TFCP2: variants seen among roughly 807,000 people sequenced by gnomAD.
The protein encoded by TFCP2 is alpha-globin transcription factor CP2.
Under a neutral mutation model 73.4 loss-of-function variants are expected in TFCP2, and 33 were observed. The ratio of observed to expected loss-of-function variants is 0.45; its 90% CI spans 0.34 to 0.60. TFCP2 has a LOEUF of 0.60. Among genes scored for constraint, TFCP2 ranks in the 20% least tolerant of loss-of-function variants. The probability of loss-of-function intolerance (pLI) is 0.01; values close to 1 mark genes in which losing one functional copy is unlikely to be tolerated. For synonymous variants in TFCP2, 193 were observed against 211.6 expected, an observed-to-expected ratio of 0.91 and a Z score of 0.76; for missense variants, 352 against 604.0, an observed-to-expected ratio of 0.58 and a Z score of 4.37.
rs200634810 is a variant in TFCP2, at chr12:51,164,584, A to G, written c.122+7717T>C. On this transcript the variant is annotated intron_variant, in intron 1 of 14. Transcript: ENST00000257915. ...TGCACTCCAGCCTGGGTGACACAGC[A>G]AGACTCCATCTCGAAAAAAAAAAAA... 1.1e-4 allele frequency among the ~76,000 whole-genome samples: 17 copies of G among 150,330 alleles called. No individual in the cohort carries two copies. In the East Asian group the frequency reaches 3.1e-3, roughly 28 times the overall value.
chr12:51,105,958 C>T (rs923415776), intron 8 of TFCP2, among the ~76,000 whole-genome samples: 17 of 152,216 alleles, frequency 1.1e-4, no homozygotes, highest in Non-Finnish European at 4.4e-5. Flanking sequence ...TCTGTACCAA[C>T]TTTCAATTAT....
At chr12:51,152,611 T>G (rs1941452827) in intron 1 of TFCP2, among the ~76,000 whole-genome samples, 1 of 152,170 alleles carries the variant, frequency 6.6e-6, no homozygotes, top group Non-Finnish European at 1.5e-5. Flanking sequence ...CTTTTACCTT[T>G]AAATCATTCA....
intron 1 of TFCP2, among the ~76,000 whole-genome samples, chr12:51,153,859 C>T (rs186015283): frequency 1.7e-3 from 252 of 152,260 alleles, no homozygotes; most frequent in Non-Finnish European, 2.1e-3. Flanking sequence ...AATAGCTGCT[C>T]AAGTCGCTGC....
intron 1 of TFCP2, among the ~76,000 whole-genome samples, chr12:51,155,015 A>G (rs1323267497): frequency 1.3e-5 from 2 of 152,154 alleles, no homozygotes; most frequent in Non-Finnish European, 2.9e-5. Context: ...TCCATCCTCA[A>G]TGTGGGAGGG....
chr12:51,098,825 T>C lies in TFCP2; in HGVS notation c.1370A>G (p.Gln457Arg), dbSNP rs756014367. 2 of 1,614,168 alleles carry C rather than the reference T, an allele frequency of 1.2e-6. No homozygotes were observed. The highest frequency in any genetic ancestry group is 1.7e-5 in the Admixed American group (1 of 60,006). The change falls in exon 13 of 15, where the codon CAG becomes CGG. Residue 457 changes from glutamine to arginine, a missense_variant. By Grantham distance (43) the Gln-to-Arg change is conservative (BLOSUM62 1). Coordinates refer to ENST00000257915, the MANE Select transcript of TFCP2 (RefSeq NM_005653.5). Reference protein sequence around the residue: ...LFSISPCQISQIYKQGPTGIH... With the variant: ...LFSISPCQISRIYKQGPTGIH... Reference sequence around the variant, plus strand: ...TCCTGTTGGCCCCTGCTTGTAAATCTGGCTGATCTGGCAAGGGGAAATGCT... The same window carrying C: ...TCCTGTTGGCCCCTGCTTGTAAATCCGGCTGATCTGGCAAGGGGAAATGCT...
Position 51,094,031 on chromosome 12 carries a change from A to T in TFCP2, c.*1210T>A, listed in dbSNP as rs1380840173. ...CACACAATCATTCTTAAGGAAGAAC[A>T]AAAACATGGTAAGAGTGTGAACAGG... On this transcript the variant is annotated 3_prime_UTR_variant, in exon 15 of 15. Transcript: ENST00000257915. 1 of 152,188 alleles carries T rather than the reference A, an allele frequency of 6.6e-6. No homozygotes were observed. The highest frequency in any genetic ancestry group is 2.4e-5 in the African/African-American group (1 of 41,452). The allele number at this position is 152,188 out of a possible 1,614,324, so 9.4% of individuals were successfully genotyped here.
At chr12:51,118,844 A>C in intron 1 of TFCP2, 72 bp from the exon 2 acceptor site, 1 of 1,495,822 alleles carries the variant, frequency 6.7e-7, no homozygotes, top group Non-Finnish European at 9.1e-7. Context: ...TGAATGATTT[A>C]ACTGCAATGC....
intron 1 of TFCP2, among the ~76,000 whole-genome samples, chr12:51,136,989 T>C (rs1177090467): frequency 1.3e-5 from 2 of 152,272 alleles, no homozygotes; most frequent in African/African-American, 4.8e-5. Flanking sequence ...CTGGATTTTA[T>C]GCTGTCCCTG....
At chr12:51,138,024 C>A (rs1355814182) in intron 1 of TFCP2, among the ~76,000 whole-genome samples, 1 of 152,182 alleles carries the variant, frequency 6.6e-6, no homozygotes, top group Non-Finnish European at 1.5e-5. Context: ...GTACTCCCTA[C>A]CATGCCTGGC....
intron 1 of TFCP2, among the ~76,000 whole-genome samples, chr12:51,132,387 T>TTTTTTTTTTTTTTG (rs1186866774): frequency 1.6e-5 from 2 of 127,582 alleles, no homozygotes; most frequent in South Asian, 2.8e-4. Context: ...TTTTTTTTTT[T>TTTTTTTTTTTTTTG]AGACAGAGTC....
chr12:51,099,305 G>C (rs1940046746), intron 12 of TFCP2, among the ~76,000 whole-genome samples: 2 of 151,890 alleles, frequency 1.3e-5, no homozygotes, highest in South Asian at 4.2e-4. Context: ...GGGCAACATA[G>C]GGAGATCCCA....
At chr12:51,132,609 T>C (rs1272914284) in intron 1 of TFCP2, among the ~76,000 whole-genome samples, 2 of 152,024 alleles carry the variant, frequency 1.3e-5, no homozygotes, top group Non-Finnish European at 2.9e-5. Context: ...GACCTTGTGA[T>C]CCACCTGCCT....
intron 1 of TFCP2, among the ~76,000 whole-genome samples, chr12:51,127,363 A>G (rs1940838612): frequency 6.6e-6 from 1 of 152,200 alleles, no homozygotes; most frequent in Non-Finnish European, 1.5e-5. Context: ...ACATTATTTA[A>G]CATAGAGGGG....
chr12:51,171,983 A>C (rs1431753347), intron 1 of TFCP2, among the ~76,000 whole-genome samples: 1 of 152,152 alleles, frequency 6.6e-6, no homozygotes, highest in African/African-American at 2.4e-5. Flanking sequence ...ACACAACGTC[A>C]GACTTACCCA....
chr12:51,139,868 A>G (rs1941149982), intron 1 of TFCP2, among the ~76,000 whole-genome samples: 1 of 152,188 alleles, frequency 6.6e-6, no homozygotes, highest in Non-Finnish European at 1.5e-5. Flanking sequence ...CCATTTTCCA[A>G]CTGAAGGAAC....
chr12:51,142,202 G>GC (rs1566222548), intron 1 of TFCP2, among the ~76,000 whole-genome samples: 3 of 5,130 alleles, frequency 5.8e-4, no homozygotes, highest in East Asian at 2.6e-3. Context: ...AGACTCTGTC[G>GC]CAAAAAAAAA....
chr12:51,119,049 T>C (rs767951665), intron 1 of TFCP2, among the ~76,000 whole-genome samples: 1 of 152,228 alleles, frequency 6.6e-6, no homozygotes. Context: ...GTGGAAATTA[T>C]AAACAGAGTT....
At chr12:51,153,067 CTG>C (rs1353870062) in intron 1 of TFCP2, among the ~76,000 whole-genome samples, 2 of 152,184 alleles carry the variant, frequency 1.3e-5, no homozygotes, top group African/African-American at 4.8e-5. Context: ...TTTTTAAAAT[CTG>C]TAGTAAAATA....
chr12:51,111,069 G>T (rs1940387555), intron 4 of TFCP2, 86 bp from the exon 5 acceptor site: 4 of 908,020 alleles, frequency 4.4e-6, no homozygotes, highest in Non-Finnish European at 7.1e-6. Flanking sequence ...ATTACTCAAT[G>T]TAGCTACCAA....
Sources: gnomAD v4.1 joint callset for allele counts (sites outside exome capture counted in the v4.1 genomes callset) on GRCh38, gnomAD v4.1.1 for gene constraint, MANE v1.5 for transcripts, NCBI Gene and HGNC (gene_info 2026-07-23, HGNC 2026-07-21) for gene names.